Variants in C10orf67 observed in about 807,000 individuals in gnomAD.
C10orf67 encodes the protein uncharacterized protein C10orf67, mitochondrial.
In C10orf67, 60 loss-of-function variants were observed where a neutral mutation model predicts 35.6. The observed-to-expected ratio is 1.68, with a 90% confidence interval of 1.37 to 2.09. The LOEUF is 2.09. Ranked by LOEUF, C10orf67 falls within the 30% of genes most tolerant of loss-of-function variation. The probability of loss-of-function intolerance (pLI) is 0.00; values close to 1 mark genes in which losing one functional copy is unlikely to be tolerated. For synonymous variants in C10orf67, 167 were observed against 115.8 expected, an observed-to-expected ratio of 1.44 and a Z score of -2.84; for missense variants, 474 against 330.2, an observed-to-expected ratio of 1.44 and a Z score of -3.38.
chr10:23,215,572 C>T (rs958709533), intron 15 of C10orf67, among the ~76,000 whole-genome samples: 4 of 151,976 alleles, frequency 2.6e-5, no homozygotes, highest in East Asian at 1.9e-4. Context: ...CCACCATGCC[C>T]GGCTGAGATA....
intron 13 of C10orf67, among the ~76,000 whole-genome samples, chr10:23,229,521 A>G (rs971778968): frequency 6.6e-6 from 1 of 152,012 alleles, no homozygotes; most frequent in Admixed American, 6.6e-5. Flanking sequence ...AACATGGCAC[A>G]TGTATACATA....
chr10:23,321,633 G>A (rs1052178118), intron 3 of C10orf67, among the ~76,000 whole-genome samples: 2 of 152,118 alleles, frequency 1.3e-5, no homozygotes, highest in African/African-American at 2.4e-5. Context: ...TGTAAATCAC[G>A]GACAATAGGA....
At chr10:23,341,450 G>A (rs1379286019) in intron 1 of C10orf67, among the ~76,000 whole-genome samples, 1 of 152,140 alleles carries the variant, frequency 6.6e-6, no homozygotes, top group African/African-American at 2.4e-5. Context: ...TCTTCCATGA[G>A]GAATATTGTA....
intron 2 of C10orf67, among the ~76,000 whole-genome samples, chr10:23,329,213 G>C (rs893737917): frequency 6.6e-6 from 1 of 151,320 alleles, no homozygotes; most frequent in African/African-American, 2.4e-5. Flanking sequence ...AAAGAGAGGA[G>C]ATATGCAGAC....
intron 5 of C10orf67, among the ~76,000 whole-genome samples, chr10:23,294,982 CA>C (rs1325982619): frequency 2.6e-5 from 4 of 152,190 alleles, no homozygotes; most frequent in African/African-American, 9.6e-5. Flanking sequence ...GCCTTTGTGG[CA>C]TTCATGTCTG....
intron 2 of C10orf67, among the ~76,000 whole-genome samples, chr10:23,327,434 T>C (rs1845242827): frequency 1.3e-5 from 2 of 152,210 alleles, no homozygotes; most frequent in South Asian, 4.1e-4. Flanking sequence ...CCAAAGAATG[T>C]TGATACAGAT....
chr10:23,287,860 G>A (rs1258580865), intron 7 of C10orf67, among the ~76,000 whole-genome samples: 1 of 151,894 alleles, frequency 6.6e-6, no homozygotes, highest in African/African-American at 2.4e-5. Flanking sequence ...GCCAACAAAC[G>A]TGAAAAAAAG....
chr10:23,274,422 C>G (rs981703581), intron 8 of C10orf67, among the ~76,000 whole-genome samples: 1 of 151,994 alleles, frequency 6.6e-6, no homozygotes, highest in Non-Finnish European at 1.5e-5. Flanking sequence ...CCAGAGCGGC[C>G]GTCTATAGAC....
At chr10:23,341,163 A>T (rs1002939567) in intron 1 of C10orf67, among the ~76,000 whole-genome samples, 1 of 152,210 alleles carries the variant, frequency 6.6e-6, no homozygotes, top group African/African-American at 2.4e-5. Flanking sequence ...CAAGGCTCTC[A>T]GCTTAAGACA....
intron 2 of C10orf67, among the ~76,000 whole-genome samples, chr10:23,327,565 A>G (rs1845247740): frequency 6.6e-6 from 1 of 152,178 alleles, no homozygotes; most frequent in South Asian, 2.1e-4. Context: ...GTTGGCTCAC[A>G]CCTGTAATCC....
chr10:23,274,411 C>T (rs1843120627), intron 8 of C10orf67, among the ~76,000 whole-genome samples: 1 of 152,132 alleles, frequency 6.6e-6, no homozygotes, highest in South Asian at 2.1e-4. Flanking sequence ...GACAGACACT[C>T]CCAGAGCGGC....
intron 5 of C10orf67, among the ~76,000 whole-genome samples, chr10:23,291,482 A>G (rs1489895047): frequency 6.6e-6 from 1 of 152,200 alleles, no homozygotes. Flanking sequence ...ACCTCAACAC[A>G]TGGGGACATT....
intron 13 of C10orf67, among the ~76,000 whole-genome samples, chr10:23,224,717 A>G (rs1286622387): frequency 6.6e-6 from 1 of 152,228 alleles, no homozygotes; most frequent in Non-Finnish European, 1.5e-5. Context: ...TGGCACAAGA[A>G]CTACGTGACG....
At position 23,224,193 on chromosome 10, in the gene C10orf67, G is replaced by A. The variant is rs567476348; in HGVS notation, c.1435-375C>T. On this transcript the variant is annotated intron_variant, in intron 13 of 15. Transcript: ENST00000636213. ...TCTGAGACGAAGCTTCCAGAGGAAC[G>A]ATCAGGCAGTAACATTTGCTGTTCA... Among the ~76,000 whole-genome samples, 7 of 152,290 alleles carry A rather than the reference G, an allele frequency of 4.6e-5. 1 individual carries two copies. Among genetic ancestry groups the A allele is most frequent in the African/African-American group, 1.7e-4 (7 of 41,570 alleles).
Position 23,203,992 on chromosome 10 carries a change from A to G in C10orf67, c.*181T>C, listed in dbSNP as rs1841087243. On this transcript the variant is annotated 3_prime_UTR_variant, in exon 16 of 16. Transcript: ENST00000636213. ...TAAAGGCGTGGAAAGGAGCGCGCAC[A>G]AGGCGCGCATTGAGGTCTATTCGAG... The G allele has an allele frequency of 2.4e-5, 9 of 377,258 alleles. No individual in the cohort carries two copies. In the South Asian group the frequency reaches 1.2e-3, roughly 49 times the overall value. The allele number at this position is 377,258 out of a possible 1,614,324, so 23.4% of individuals were successfully genotyped here.
chr10:23,225,869 G>A (rs1841724428), intron 13 of C10orf67, among the ~76,000 whole-genome samples: 2 of 152,030 alleles, frequency 1.3e-5, no homozygotes, highest in Non-Finnish European at 2.9e-5. Flanking sequence ...GATTCATAAA[G>A]CAAGTCCTTA....
intron 3 of C10orf67, among the ~76,000 whole-genome samples, chr10:23,321,780 GTTTGT>G (rs1450086812): frequency 6.6e-6 from 1 of 152,050 alleles, no homozygotes; most frequent in African/African-American, 2.4e-5. Flanking sequence ...AGTAATGTCC[GTTTGT>G]TTTGTTTTTT....
chr10:23,212,465 T>A (rs1392665907), intron 15 of C10orf67, among the ~76,000 whole-genome samples: 1 of 152,184 alleles, frequency 6.6e-6, no homozygotes, highest in East Asian at 1.9e-4. Context: ...ATGTGCTTCA[T>A]GCTGGGTGGA....
chr10:23,325,624 C>T (rs1845163138), intron 2 of C10orf67, among the ~76,000 whole-genome samples: 1 of 147,528 alleles, frequency 6.8e-6, no homozygotes, highest in Non-Finnish European at 1.5e-5. Context: ...TATCAGAACC[C>T]AGAAGATAAC....
Sources: allele counts gnomAD v4.1 joint callset (sites outside exome capture counted in the v4.1 genomes callset), GRCh38; gene constraint gnomAD v4.1.1; transcripts MANE v1.5; gene names NCBI Gene and HGNC (gene_info 2026-07-23, HGNC 2026-07-21).